The following INPP5A variants were observed in gnomAD, a reference collection of about 807,000 sequenced individuals.
The protein encoded by INPP5A is 43 kDa inositol polyphosphate 5-phophatase.
INPP5A carries 14 observed loss-of-function variants against 65.2 expected under a neutral mutation model. That is an observed-to-expected ratio of 0.21 (90% CI 0.14 to 0.34). The LOEUF is 0.34. Ranked by LOEUF, INPP5A falls within the 10% of genes least tolerant of loss-of-function variation. INPP5A has a pLI of 1.00. For synonymous variants in INPP5A, 207 were observed against 208.3 expected (o/e 0.99, Z 0.05); for missense variants, 431 against 545.6 (o/e 0.79, Z 2.09).
At chr10:132,583,240 T>C (rs1032742513) in intron 1 of INPP5A, among the ~76,000 whole-genome samples, 9 of 152,240 alleles carry the variant, frequency 5.9e-5, no homozygotes, top group African/African-American at 1.7e-4. Context: ...TATTAGTGAA[T>C]GGAGATGCAG....
chr10:132,666,788 A>G (rs2072810710), intron 4 of INPP5A, among the ~76,000 whole-genome samples: 1 of 152,330 alleles, frequency 6.6e-6, no homozygotes, highest in East Asian at 1.9e-4. Flanking sequence ...AGCGGCCCCC[A>G]GCGTGTGCTG....
At chr10:132,748,102 C>T (rs531820164) in intron 9 of INPP5A, among the ~76,000 whole-genome samples, 2 of 152,192 alleles carry the variant, frequency 1.3e-5, no homozygotes, top group East Asian at 3.8e-4. Flanking sequence ...AATTTACACA[C>T]AAGCTATAAT....
At chr10:132,669,628 A>C (rs542046357) in intron 4 of INPP5A, among the ~76,000 whole-genome samples, 2 of 152,272 alleles carry the variant, frequency 1.3e-5, no homozygotes, top group African/African-American at 4.8e-5. Context: ...GACACCATTC[A>C]TGTGTCCTTA....
chr10:132,613,256 A>ACCCCCTCCTTCCCGAGTCCCCCCGCAGGG (rs766559262), intron 2 of INPP5A, among the ~76,000 whole-genome samples: 1 of 142,490 alleles, frequency 7.0e-6, no homozygotes, highest in Non-Finnish European at 1.5e-5. Flanking sequence ...GGCCCACAGG[A>ACCCCCTCCTTCCCGAGTCCCCCCGCAGGG]CCCCCTCCTT....
chr10:132,604,264 G>C (rs904373558), intron 1 of INPP5A, among the ~76,000 whole-genome samples: 5 of 146,994 alleles, frequency 3.4e-5, no homozygotes, highest in Non-Finnish European at 6.0e-5. Context: ...ATCCTGCCCT[G>C]TGCCGTCAGG....
At chr10:132,693,950 G>A (rs567636178) in intron 5 of INPP5A, among the ~76,000 whole-genome samples, 2 of 152,280 alleles carry the variant, frequency 1.3e-5, no homozygotes, top group East Asian at 3.9e-4. Flanking sequence ...TCAACACCCT[G>A]TATCAGGAAT....
intron 1 of INPP5A, among the ~76,000 whole-genome samples, chr10:132,570,667 CT>C (rs370433696): frequency 1.2e-3 from 169 of 146,710 alleles, no homozygotes; most frequent in Admixed American, 3.1e-3. Context: ...TACCAAAACA[CT>C]TTTTTTTTTT....
chr10:132,724,821 A>C (rs1448068614), intron 8 of INPP5A, among the ~76,000 whole-genome samples: 1 of 151,110 alleles, frequency 6.6e-6, no homozygotes, highest in African/African-American at 2.4e-5. Flanking sequence ...CCAGGCTAGC[A>C]GGAGCACATG....
At chr10:132,672,716 A>AC (rs2072907836) in intron 4 of INPP5A, among the ~76,000 whole-genome samples, 1 of 152,110 alleles carries the variant, frequency 6.6e-6, no homozygotes, top group Admixed American at 6.5e-5. Flanking sequence ...GTTTGGAAAA[A>AC]CGTGATTTCT....
At chr10:132,689,761 C>T (rs1845224731) in intron 4 of INPP5A, among the ~76,000 whole-genome samples, 2 of 152,364 alleles carry the variant, frequency 1.3e-5, no homozygotes, top group Middle Eastern at 6.8e-3. Context: ...TCGACCCAGC[C>T]CTGTGGCGTC....
chr10:132,702,700 T>C (rs1845455780), intron 6 of INPP5A, among the ~76,000 whole-genome samples: 1 of 152,192 alleles, frequency 6.6e-6, no homozygotes, highest in African/African-American at 2.4e-5. Context: ...CGGGCACAGC[T>C]CTGACGCACA....
At chr10:132,725,435 G>A (rs571444733) in intron 8 of INPP5A, among the ~76,000 whole-genome samples, 3 of 152,242 alleles carry the variant, frequency 2.0e-5, no homozygotes, top group African/African-American at 7.2e-5. Context: ...GGTGTCAGCG[G>A]TGGCGGCGGG....
rs1205697062 is a variant in INPP5A, at chr10:132,727,429, C to T, written c.732+524C>T. On this transcript the variant is annotated intron_variant, in intron 9 of 15. Coordinates refer to ENST00000368594, the MANE Select transcript of INPP5A (RefSeq NM_005539.5). This position sits in a 1 kb window ranked among gnomAD's most constrained non-coding sequence, Gnocchi z 6.5. ...CCGGGTGCTCCTGGGTGTGGGAACTCAGGGGTCCAGGGTGCTCCTGGGTGT... is the reference window on the plus strand; with the variant it reads ...CCGGGTGCTCCTGGGTGTGGGAACTTAGGGGTCCAGGGTGCTCCTGGGTGT... 2 of 152,226 alleles carry T rather than the reference C, an allele frequency of 1.3e-5. No individual in the cohort carries two copies. Among genetic ancestry groups the T allele is most frequent in the Non-Finnish European group, 2.9e-5 (2 of 68,148 alleles). 9.4% of individuals were successfully genotyped at this position (152,226 alleles called of 1,614,324 possible).
chr10:132,599,176 AG>A (rs539582555), intron 1 of INPP5A, among the ~76,000 whole-genome samples: 142 of 152,324 alleles, frequency 9.3e-4, no homozygotes, highest in Non-Finnish European at 1.4e-3. Context: ...AAAAGTCCAC[AG>A]TCCAGTCTTA....
chr10:132,563,728 C>T (rs2071236143), intron 1 of INPP5A, among the ~76,000 whole-genome samples: 1 of 152,200 alleles, frequency 6.6e-6, no homozygotes, highest in Non-Finnish European at 1.5e-5. Flanking sequence ...AAGGAAAGCA[C>T]ACCATAAGTT....
chr10:132,617,687 G>A (rs377107343), intron 2 of INPP5A, among the ~76,000 whole-genome samples: 9 of 152,358 alleles, frequency 5.9e-5, no homozygotes, highest in South Asian at 2.1e-4. Flanking sequence ...ACCTGACTGC[G>A]TCTGGCACGT....
chr10:132,707,806 G>A lies in INPP5A; in HGVS notation c.475-507G>A, dbSNP rs541885430. ...GAGGCATCGGTGGGTGAGAGGCATC[G>A]GTGGGTGAACGGCATCGGTGGGTGA... On this transcript the variant is annotated intron_variant, in intron 6 of 15. Coordinates refer to ENST00000368594, the MANE Select transcript of INPP5A (RefSeq NM_005539.5). The surrounding 1 kb of genome is among the most constrained non-coding windows in gnomAD (Gnocchi z 5.5). 5.3e-5 allele frequency among the ~76,000 whole-genome samples: 8 copies of A among 151,854 alleles called. No homozygotes were observed. Among genetic ancestry groups the A allele is most frequent in the African/African-American group, 1.5e-4 (6 of 41,360 alleles).
rs1415827011 is a variant in INPP5A, at chr10:132,547,927, GGACAC to G, written c.75+9757_75+9761del. Among the ~76,000 whole-genome samples, 15 of 151,010 alleles carry G rather than the reference GGACAC, an allele frequency of 9.9e-5. No homozygotes were observed. The South Asian group carries it at 1.7e-3, about 17-fold the overall frequency. ...TTTTTAATTTTTTTTTTTTTAAGATGGACACTCCATCACCCAGGCTGGAGTACAAT... is the reference window on the plus strand; with the variant it reads ...TTTTTAATTTTTTTTTTTTTAAGATGTCCATCACCCAGGCTGGAGTACAAT... On this transcript the variant is annotated intron_variant, in intron 1 of 15. Coordinates refer to ENST00000368594, the MANE Select transcript of INPP5A (RefSeq NM_005539.5). This position sits in a 1 kb window ranked among gnomAD's most constrained non-coding sequence, Gnocchi z 5.5.
intron 12 of INPP5A, among the ~76,000 whole-genome samples, chr10:132,770,122 A>C (rs1846923219): frequency 6.6e-6 from 1 of 152,076 alleles, no homozygotes; most frequent in African/African-American, 2.4e-5. Context: ...CTCTGCCCTG[A>C]CACTGCAGAG....
Sources: gnomAD v4.1 joint callset for allele counts (sites outside exome capture counted in the v4.1 genomes callset) on GRCh38, gnomAD v4.1.1 for gene constraint, Gnocchi (gnomAD v3.1) non-coding constraint, MANE v1.5 for transcripts, NCBI Gene and HGNC (gene_info 2026-07-23, HGNC 2026-07-21) for gene names.